The following STK32A variants were observed in gnomAD, a reference collection of about 807,000 sequenced individuals.
STK32A encodes the protein serine/threonine-protein kinase 32A.
A neutral mutation model predicts 53.2 loss-of-function variants in STK32A; 41 were observed. That is an observed-to-expected ratio of 0.77 (90% CI 0.60 to 1.00). STK32A has a LOEUF of 1.00. STK32A is among the 50% of genes least tolerant of loss of function. The pLI, the probability that STK32A is intolerant of heterozygous loss-of-function variation, is 0.00. For missense variants in STK32A, 458 were observed against 485.8 expected (o/e 0.94, Z 0.54); for synonymous variants, 166 against 162.8 (o/e 1.02, Z -0.15).
intron 9 of STK32A, among the ~76,000 whole-genome samples, chr5:147,372,569 C>T (rs548383952): frequency 4.6e-5 from 7 of 152,100 alleles, no homozygotes; most frequent in African/African-American, 1.7e-4. Flanking sequence ...ACTGACAATG[C>T]CTATTTGAGC....
Position 147,351,098 on chromosome 5 carries a change from C to A in STK32A, c.506C>A (p.Ala169Glu). Residue 169 changes from alanine to glutamate, a missense_variant, in exon 7 of 13, where the codon GCG becomes GAG. Coordinates refer to ENST00000397936, the MANE Select transcript of STK32A (RefSeq NM_001112724.2). ...HVHITDFNIA[A>E]MLPRETQITT... ...CACATCACAGATTTCAACATTGCTG[C>A]GATGCTGCCCAGGGAGACACAGATT... The A allele has an allele frequency of 6.2e-7, 1 of 1,613,892 alleles. No individual in the cohort carries two copies. The highest frequency in any genetic ancestry group is 8.5e-7 in the Non-Finnish European group (1 of 1,179,848).
At chr5:147,275,799 T>C (rs891914645) in intron 2 of STK32A, among the ~76,000 whole-genome samples, 1 of 152,162 alleles carries the variant, frequency 6.6e-6, no homozygotes, top group Non-Finnish European at 1.5e-5. Context: ...AGAAGTGACC[T>C]TTGGGAGGTC....
intron 4 of STK32A, among the ~76,000 whole-genome samples, chr5:147,279,627 G>A (rs932705962): frequency 2.6e-5 from 4 of 152,000 alleles, no homozygotes; most frequent in African/African-American, 9.7e-5. Context: ...TCCAGCGAAT[G>A]TCATGTAAGG....
chr5:147,398,658 C>T, the STK32A span, among the ~76,000 whole-genome samples: 1 of 152,180 alleles, frequency 6.6e-6, no homozygotes, highest in Admixed American at 6.5e-5. Flanking sequence ...TATTCTTTCC[C>T]TTTCCAGGCA....
chr5:147,300,341 C>T (rs1753069853), intron 4 of STK32A, among the ~76,000 whole-genome samples: 1 of 152,174 alleles, frequency 6.6e-6, no homozygotes. Flanking sequence ...AGCCTCTGCT[C>T]TTCCTGCTGC....
At chr5:147,263,195 G>C (rs571017638) in intron 2 of STK32A, among the ~76,000 whole-genome samples, 1 of 152,306 alleles carries the variant, frequency 6.6e-6, no homozygotes, top group Admixed American at 6.5e-5. Flanking sequence ...TCACCCTCCA[G>C]TAAAGAGAAC....
intron 4 of STK32A, among the ~76,000 whole-genome samples, chr5:147,305,548 AGCCAACTCCACATG>A (rs2151968185): frequency 6.6e-6 from 1 of 152,256 alleles, no homozygotes; most frequent in Admixed American, 6.5e-5. Context: ...TCTTAATAAG[AGCCAACTCCACATG>A]GTGGGACAAA....
chr5:147,297,391 T>C (rs979526244), intron 4 of STK32A, among the ~76,000 whole-genome samples: 2 of 152,154 alleles, frequency 1.3e-5, no homozygotes, highest in Non-Finnish European at 2.9e-5. Flanking sequence ...TCAAGAGTTA[T>C]ACAAATGATT....
At chr5:147,354,719 G>A (rs1276923356) in intron 7 of STK32A, among the ~76,000 whole-genome samples, 1 of 152,112 alleles carries the variant, frequency 6.6e-6, no homozygotes, top group Non-Finnish European at 1.5e-5. Context: ...AGATCACATG[G>A]CTAATAATTG....
chr5:147,285,482 AT>A (rs1752284436), intron 4 of STK32A, among the ~76,000 whole-genome samples: 1 of 152,196 alleles, frequency 6.6e-6, no homozygotes, highest in Non-Finnish European at 1.5e-5. Context: ...GAGCTTTTGC[AT>A]GGCAAACGGA....
chr5:147,290,274 T>C (rs1409677159), intron 4 of STK32A, among the ~76,000 whole-genome samples: 1 of 152,062 alleles, frequency 6.6e-6, no homozygotes, highest in Non-Finnish European at 1.5e-5. Flanking sequence ...AGGTAAGTAG[T>C]CTGGGGGCAG....
intron 6 of STK32A, among the ~76,000 whole-genome samples, chr5:147,347,028 C>G (rs572898815): frequency 1.3e-5 from 2 of 152,278 alleles, no homozygotes; most frequent in East Asian, 3.9e-4. Context: ...AACTTATCCC[C>G]ATTTAATTAC....
At chr5:147,362,941 C>T (rs1274517115) in intron 8 of STK32A, among the ~76,000 whole-genome samples, 1 of 151,476 alleles carries the variant, frequency 6.6e-6, no homozygotes, top group Admixed American at 6.6e-5. Flanking sequence ...TTTTAATTAG[C>T]CAGGCATGGT....
chr5:147,270,419 G>T (rs1183066076), intron 2 of STK32A, among the ~76,000 whole-genome samples: 3 of 151,932 alleles, frequency 2.0e-5, no homozygotes, highest in African/African-American at 7.3e-5. Flanking sequence ...TCCCTATGTT[G>T]CTCAGGCTGG....
At chr5:147,399,588 T>C in the STK32A span, among the ~76,000 whole-genome samples, 2 of 152,262 alleles carry the variant, frequency 1.3e-5, no homozygotes, top group Non-Finnish European at 2.9e-5. Context: ...AATGTGATTA[T>C]AATCCCATCC....
At chr5:147,358,573 T>A (rs1440692541) in intron 7 of STK32A, among the ~76,000 whole-genome samples, 2 of 152,158 alleles carry the variant, frequency 1.3e-5, no homozygotes, top group Non-Finnish European at 2.9e-5. Context: ...TACAGTATAT[T>A]CATATAGCAC....
intron 1 of STK32A, among the ~76,000 whole-genome samples, chr5:147,236,276 C>T (rs1023971677): frequency 6.6e-6 from 1 of 152,110 alleles, no homozygotes; most frequent in Non-Finnish European, 1.5e-5. Context: ...CTGAAAACTC[C>T]CTGTGTCCCT....
At chr5:147,291,040 G>A (rs1228998824) in intron 4 of STK32A, among the ~76,000 whole-genome samples, 1 of 152,136 alleles carries the variant, frequency 6.6e-6, no homozygotes, top group Non-Finnish European at 1.5e-5. Context: ...AGCTAGTCAG[G>A]AACAAAATGG....
At chr5:147,372,100 A>C (rs1350508345) in intron 9 of STK32A, among the ~76,000 whole-genome samples, 1 of 152,104 alleles carries the variant, frequency 6.6e-6, no homozygotes, top group East Asian at 1.9e-4. Context: ...AAGCCTGAGA[A>C]GTGAAATTTG....
Sources: allele counts gnomAD v4.1 joint callset (sites outside exome capture counted in the v4.1 genomes callset), GRCh38; gene constraint gnomAD v4.1.1; transcripts MANE v1.5; gene names NCBI Gene and HGNC (gene_info 2026-07-23, HGNC 2026-07-21).